Variants in LIN9 observed in about 807,000 individuals in gnomAD.
LIN9 encodes protein lin-9 homolog.
A neutral mutation model predicts 78.0 loss-of-function variants in LIN9; 18 were observed. The ratio of observed to expected loss-of-function variants is 0.23; its 90% CI spans 0.16 to 0.34. LIN9 has a LOEUF of 0.34. Among genes scored for constraint, LIN9 ranks in the 10% least tolerant of loss-of-function variants. The pLI is 1.00. For synonymous variants in LIN9, 192 were observed against 215.2 expected, an observed-to-expected ratio of 0.89 and a Z score of 0.94; for missense variants, 451 against 644.1, an observed-to-expected ratio of 0.70 and a Z score of 3.25.
intron 7 of LIN9, among the ~76,000 whole-genome samples, chr1:226,274,124 C>T (rs933808144): frequency 4.6e-5 from 7 of 152,174 alleles, no homozygotes; most frequent in African/African-American, 9.7e-5. Flanking sequence ...TGACCCACTA[C>T]GCCTGGCCTT....
chr1:226,271,051 A>G (rs1660243975), intron 7 of LIN9, among the ~76,000 whole-genome samples: 1 of 152,156 alleles, frequency 6.6e-6, no homozygotes, highest in South Asian at 2.1e-4. Context: ...TTTCTTAACA[A>G]ATCAATGATT....
At chr1:226,278,360 C>T (rs879633399) in intron 6 of LIN9, among the ~76,000 whole-genome samples, 3 of 148,612 alleles carry the variant, frequency 2.0e-5, no homozygotes, top group Non-Finnish European at 3.0e-5. Context: ...ATCTGGGAGG[C>T]GGAGGTTGCA....
intron 1 of LIN9, chr1:226,308,836 G>T: frequency 4.0e-6 from 1 of 251,004 alleles, no homozygotes; most frequent in Non-Finnish European, 7.6e-6. Flanking sequence ...GGCGCCAGGG[G>T]AGCAGCCACC....
At chr1:226,268,749 G>C (rs1215153318) in intron 7 of LIN9, among the ~76,000 whole-genome samples, 1 of 152,166 alleles carries the variant, frequency 6.6e-6, no homozygotes, top group African/African-American at 2.4e-5. Flanking sequence ...AGCTTCCCTG[G>C]TAGACAACAC....
rs982447802 is a variant in LIN9, at chr1:226,265,839, C to T, written c.937-205G>A. On this transcript the variant is annotated intron_variant, in intron 9 of 14. Coordinates refer to ENST00000681046, the MANE Select transcript of LIN9 (RefSeq NM_001366245.2). The surrounding 1 kb of genome is among the most constrained non-coding windows in gnomAD (Gnocchi z 4.1). ...GATTACAGGCGCGCGCCACCACGCC[C>T]AGCTAATTTTTGTATTTTTAGCAGA... 6.6e-6 allele frequency among the ~76,000 whole-genome samples: 1 copy of T among 151,948 alleles called. No homozygotes were observed. The highest frequency in any genetic ancestry group is 1.5e-5 in the Non-Finnish European group (1 of 68,006).
chr1:226,289,240 A>G (rs1314378394), intron 4 of LIN9, among the ~76,000 whole-genome samples: 1 of 152,194 alleles, frequency 6.6e-6, no homozygotes, highest in Non-Finnish European at 1.5e-5. Context: ...ATGTCAAAAA[A>G]AAAGAAAGAA....
Position 226,231,942 on chromosome 1 carries a change from T to C in LIN9, c.*559A>G, listed in dbSNP as rs1657364715. 2.6e-6 allele frequency: 1 copy of C among 388,668 alleles called. No homozygotes were observed. Among genetic ancestry groups the C allele is most frequent in the South Asian group, 1.4e-4 (1 of 6,986 alleles). The allele number at this position is 388,668 out of a possible 1,614,324, so 24.1% of individuals were successfully genotyped here. A position where few individuals can be genotyped will look rare whatever the true frequency, so the allele number is the denominator to read the frequency against. ...AGAACCATGTCACATTGCAAGTATATATAACATATACTTGTAAAGTCCACA... is the reference window on the plus strand; with the variant it reads ...AGAACCATGTCACATTGCAAGTATACATAACATATACTTGTAAAGTCCACA... On this transcript the variant is annotated 3_prime_UTR_variant, in exon 15 of 15. Coordinates refer to ENST00000681046, the MANE Select transcript of LIN9 (RefSeq NM_001366245.2).
At chr1:226,271,793 C>T (rs916429567) in intron 7 of LIN9, among the ~76,000 whole-genome samples, 1 of 152,108 alleles carries the variant, frequency 6.6e-6, no homozygotes, top group Non-Finnish European at 1.5e-5. Flanking sequence ...AATATACATA[C>T]ATAATATTAG....
intron 4 of LIN9, among the ~76,000 whole-genome samples, chr1:226,288,241 G>A (rs1661497384): frequency 6.6e-6 from 1 of 152,082 alleles, no homozygotes. Context: ...CAAAGTGCTG[G>A]GATTACTGGT....
intron 7 of LIN9, among the ~76,000 whole-genome samples, chr1:226,277,094 C>T (rs1026233475): frequency 2.6e-5 from 4 of 151,406 alleles, no homozygotes; most frequent in South Asian, 4.2e-4. Flanking sequence ...CCTGTAATCC[C>T]GCACTTTGGG....
chr1:226,301,224 C>T lies in LIN9; in HGVS notation c.32-19G>A. 4.4e-6 allele frequency: 7 copies of T among 1,587,458 alleles called. No homozygotes were observed. Among genetic ancestry groups the T allele is most frequent in the Non-Finnish European group, 6.0e-6 (7 of 1,167,640 alleles). Reference sequence around the variant, plus strand: ...GAAGAGCCTGCAATTAAAAATAAAACAAATCAATAATTATTTCATAACCAA... The same window carrying T: ...GAAGAGCCTGCAATTAAAAATAAAATAAATCAATAATTATTTCATAACCAA... On this transcript the variant is annotated intron_variant, in intron 1 of 14. Coordinates refer to ENST00000681046, the MANE Select transcript of LIN9 (RefSeq NM_001366245.2).
chr1:226,270,926 CT>C (rs1253754599), intron 7 of LIN9, among the ~76,000 whole-genome samples: 6 of 142,572 alleles, frequency 4.2e-5, no homozygotes, highest in African/African-American at 1.6e-4. Flanking sequence ...TAAATAAAAT[CT>C]TTTTTATTTC....
chr1:226,232,929 A>T (rs935023257), intron 14 of LIN9, 167 bp downstream of exon 14: 2 of 511,664 alleles, frequency 3.9e-6, no homozygotes, highest in Non-Finnish European at 6.8e-6. Context: ...ATCCATGTGA[A>T]ATTTCTATTC....
intron 11 of LIN9, among the ~76,000 whole-genome samples, chr1:226,245,428 TCCC>T (rs34415897): frequency 0.7 from 105,613 of 150,834 alleles, 37,108 homozygotes; most frequent in East Asian, 0.73. Flanking sequence ...TTGTCTTTTT[TCCC>T]CCCCCCCAAG....
intron 10 of LIN9, among the ~76,000 whole-genome samples, chr1:226,251,189 G>A (rs1658812465): frequency 6.6e-6 from 1 of 151,208 alleles, no homozygotes; most frequent in Non-Finnish European, 1.5e-5. Flanking sequence ...GAGTAGCAGG[G>A]ATTACAGGCA....
At chr1:226,275,624 C>G (rs931596540) in intron 7 of LIN9, among the ~76,000 whole-genome samples, 3 of 141,852 alleles carry the variant, frequency 2.1e-5, no homozygotes, top group African/African-American at 8.0e-5. Flanking sequence ...ACCTGGGAGG[C>G]AGAGGCTGCA....
At position 226,232,287 on chromosome 1, in the gene LIN9, T is replaced by C; in HGVS notation, c.*214A>G. On this transcript the variant is annotated 3_prime_UTR_variant, in exon 15 of 15. Coordinates refer to ENST00000681046, the MANE Select transcript of LIN9 (RefSeq NM_001366245.2). ...ATATAAACATATGTAACATAAGCAA[T>C]GCTACTGCATCTGAATAATAAAAGA... 2 of 411,040 alleles carry C rather than the reference T, an allele frequency of 4.9e-6. No individual in the cohort carries two copies. Among genetic ancestry groups the C allele is most frequent in the East Asian group, 7.0e-5 (2 of 28,654 alleles). The allele number at this position is 411,040 out of a possible 1,614,324, so 25.5% of individuals were successfully genotyped here.
chr1:226,255,253 G>A (rs1659111988), intron 10 of LIN9, among the ~76,000 whole-genome samples: 2 of 152,156 alleles, frequency 1.3e-5, no homozygotes, highest in Admixed American at 1.3e-4. Flanking sequence ...GCAAGGGGAA[G>A]GAAAACTAAC....
intron 11 of LIN9, among the ~76,000 whole-genome samples, chr1:226,243,451 T>G (rs1658243323): frequency 6.6e-6 from 1 of 152,128 alleles, no homozygotes; most frequent in African/African-American, 2.4e-5. Context: ...TCCCTGCACT[T>G]TGGGAGGCCA....
Sources: allele counts gnomAD v4.1 joint callset (sites outside exome capture counted in the v4.1 genomes callset), GRCh38; gene constraint gnomAD v4.1.1; non-coding constraint Gnocchi (gnomAD v3.1); transcripts MANE v1.5; gene names NCBI Gene and HGNC (gene_info 2026-07-23, HGNC 2026-07-21).